Variants in NBPF19 observed in about 807,000 individuals in gnomAD.
NBPF19 encodes NBPF member 19, also known as NBPF family member NBPF19.
A neutral mutation model predicts 45.9 loss-of-function variants in NBPF19; 30 were observed. That is an observed-to-expected ratio of 0.65 (90% CI 0.49 to 0.89). The LOEUF (loss-of-function observed/expected upper bound fraction) is 0.89, where lower values mean the gene tolerates loss of function less well. NBPF19 is among the 40% of genes least tolerant of loss of function. The pLI, the probability that NBPF19 is intolerant of heterozygous loss-of-function variation, is 0.00. For missense variants in NBPF19, 495 were observed against 471.8 expected, an observed-to-expected ratio of 1.05 and a Z score of -0.46; for synonymous variants, 183 against 181.2, an observed-to-expected ratio of 1.01 and a Z score of -0.08.
At chr1:149,477,264 G>T (rs2084896805) in intron 2 of NBPF19, among the ~76,000 whole-genome samples, 1 of 150,944 alleles carries the variant, frequency 6.6e-6, no homozygotes, top group East Asian at 1.9e-4. Flanking sequence ...AATTGGCACA[G>T]TGGAAACACT....
chr1:149,521,173 C>T (rs2086727183), intron 51 of NBPF19, 146 bp from the exon 52 acceptor site: 2 of 344,262 alleles, frequency 5.8e-6, no homozygotes, highest in Non-Finnish European at 1.1e-5. Context: ...TCTATCCCAA[C>T]ATAAAGGCAA....
intron 9 of NBPF19, 106 bp from the exon 10 acceptor site, chr1:149,487,907 C>A (rs2085705550): frequency 6.8e-6 from 5 of 736,836 alleles, no homozygotes; most frequent in Non-Finnish European, 9.9e-6. Flanking sequence ...ATGGATCTCT[C>A]CTTTTTCTTT....
chr1:149,556,126 C>G lies in NBPF19; in HGVS notation c.*1388C>G, dbSNP rs2087243880. 1 of 147,868 alleles carries G rather than the reference C, an allele frequency of 6.8e-6. No homozygotes were observed. 9.2% of individuals were successfully genotyped at this position (147,868 alleles called of 1,614,324 possible). A position where few individuals can be genotyped will look rare whatever the true frequency, so the allele number is the denominator to read the frequency against. On this transcript the variant is annotated 3_prime_UTR_variant, in exon 94 of 94. Transcript: ENST00000651566. ...TATCTCTACGCTGCAAAATTTGGGT[C>G]TCAATTTTTACTGTGCCTTTGTTTT...
chr1:149,554,615 T>C lies in NBPF19; in HGVS notation c.11409T>C (p.Ser3803=). The C allele has an allele frequency of 1.2e-6, 2 of 1,608,294 alleles. No individual in the cohort carries two copies. The highest frequency in any genetic ancestry group is 1.7e-6 in the Non-Finnish European group (2 of 1,176,782). Residue 3803 remains serine (S), a synonymous_variant, in exon 94 of 94, where the codon AGT becomes AGC. Transcript: ENST00000651566. ...ELPDSFQHYR[S]VFYSFEEEHI... Reference sequence around the variant, plus strand: ...CTGACTCATTCCAGCACTACAGAAGTGTGTTTTACTCATTTGAGGAAGAGC... The same window carrying C: ...CTGACTCATTCCAGCACTACAGAAGCGTGTTTTACTCATTTGAGGAAGAGC...
rs1422154777 is a variant in NBPF19 at position 149,490,751 on chromosome 1, G to A, written c.1490+257G>A. Among the ~76,000 whole-genome samples, 8 of 55,500 alleles carry A rather than the reference G, an allele frequency of 1.4e-4. 1 individual carries two copies. Among genetic ancestry groups the A allele is most frequent in the Non-Finnish European group, 2.6e-4 (8 of 30,728 alleles). 36.4% of individuals were successfully genotyped at this position (55,500 alleles called of 152,430 possible). ...TCATGGCGACTGCATGGAAACTTGAGCACATTTTATGGAAAATTATTGAGC... is the reference window on the plus strand; with the variant it reads ...TCATGGCGACTGCATGGAAACTTGAACACATTTTATGGAAAATTATTGAGC... On this transcript the variant is annotated intron_variant, in intron 13 of 93. Transcript: ENST00000651566.
chr1:149,487,225 T>C (rs1390777188), intron 8 of NBPF19, 107 bp from the exon 9 acceptor site: 4 of 833,226 alleles, frequency 4.8e-6, no homozygotes, highest in Admixed American at 3.4e-5. Context: ...AGTCTCCTGT[T>C]CTCACACTGA....
intron 93 of NBPF19, among the ~76,000 whole-genome samples, chr1:149,554,253 C>T (rs2087148367): frequency 6.6e-6 from 1 of 151,660 alleles, no homozygotes; most frequent in African/African-American, 2.4e-5. Context: ...CTGGCCAATT[C>T]ACTAGGTCAC....
chr1:149,476,998 G>A (rs1223799132), intron 2 of NBPF19, among the ~76,000 whole-genome samples: 1 of 150,832 alleles, frequency 6.6e-6, no homozygotes, highest in Non-Finnish European at 1.5e-5. Context: ...GTACCTTGGT[G>A]AGAGTGAAGT....
rs1452780829 is a variant in NBPF19, at chr1:149,554,697, C to T, written c.11491C>T (p.Leu3831Phe). The change falls in exon 94 of 94, where the codon CTC becomes TTC. Residue 3831 changes from leucine to phenylalanine, a missense_variant. Leu to Phe is a conservative substitution (Grantham distance 22). Coordinates refer to ENST00000651566, the MANE Select transcript of NBPF19 (RefSeq NM_001351365.2). ...GTTTTTTACTTTGACGGTGACAAGT[C>T]TCCATCTGGTGTTCCAGATGTTAGT... is the stretch of plus-strand genomic sequence containing the variant. The part of the protein sequence containing the change: ...NRFFTLTVTS[L>F]HLVFQMLVIF... 18 of 1,608,170 alleles carry T rather than the reference C, an allele frequency of 1.1e-5. 1 individual carries two copies. Among genetic ancestry groups the T allele is most frequent in the Non-Finnish European group, 1.4e-5 (17 of 1,176,710 alleles).
rs1320339519 is a variant in NBPF19 at position 149,487,409 on chromosome 1, T to C, written c.1040+26T>C. 5.6e-6 allele frequency: 7 copies of C among 1,259,852 alleles called. No individual in the cohort carries two copies. In the East Asian group the frequency reaches 1.4e-4, roughly 25 times the overall value. The allele number at this position is 1,259,852 out of a possible 1,614,324, so 78.0% of individuals were successfully genotyped here. A position where few individuals can be genotyped will look rare whatever the true frequency, so the allele number is the denominator to read the frequency against. On this transcript the variant is annotated intron_variant, in intron 9 of 93. Transcript: ENST00000651566. ...GTGAGTCTGAGAAATTGTGGACAGTTAATTTGATGTTGACACCTGGAGATG... is the reference window on the plus strand; with the variant it reads ...GTGAGTCTGAGAAATTGTGGACAGTCAATTTGATGTTGACACCTGGAGATG...
chr1:149,478,141 C>A, intron 3 of NBPF19, 94 bp downstream of exon 3: 1 of 798,636 alleles, frequency 1.3e-6, no homozygotes, highest in Admixed American at 1.8e-5. Flanking sequence ...CGAAGCTGGG[C>A]CAGGGGAAGG....
intron 8 of NBPF19, 145 bp from the exon 9 acceptor site, chr1:149,487,187 C>A (rs1294041054): frequency 1.3e-6 from 1 of 778,824 alleles, no homozygotes; most frequent in Middle Eastern, 3.6e-4. Flanking sequence ...AAGACTTGAC[C>A]TCAGGCCTAC....
At chr1:149,486,454 A>C (rs1425458660) in intron 8 of NBPF19, among the ~76,000 whole-genome samples, 161 bp downstream of exon 8, 1 of 149,486 alleles carries the variant, frequency 6.7e-6, no homozygotes, top group Non-Finnish European at 1.5e-5. Context: ...TCAAGTCTGA[A>C]GCACAGGCAT....
At chr1:149,484,724 A>G (rs1439461148) in intron 7 of NBPF19, among the ~76,000 whole-genome samples, 11 of 138,784 alleles carry the variant, frequency 7.9e-5, no homozygotes, top group South Asian at 5.1e-4. Flanking sequence ...GAATCTGACA[A>G]TTACGTGTTT....
intron 3 of NBPF19, 94 bp from the exon 4 acceptor site, chr1:149,478,786 C>A: frequency 2.3e-6 from 3 of 1,310,856 alleles, no homozygotes; most frequent in Non-Finnish European, 3.3e-6. Flanking sequence ...TGGAGGTCTC[C>A]TTGAGGACAT....
At chr1:149,480,475 C>A (rs1329267092) in intron 5 of NBPF19, among the ~76,000 whole-genome samples, 1 of 141,414 alleles carries the variant, frequency 7.1e-6, no homozygotes, top group Non-Finnish European at 1.6e-5. Context: ...TGAACAGCAG[C>A]TGCTCTCTTC....
chr1:149,529,060 G>A (rs1365444280), intron 61 of NBPF19, 114 bp from the exon 62 acceptor site: 1 of 295,682 alleles, frequency 3.4e-6, no homozygotes, highest in African/African-American at 3.6e-5. Flanking sequence ...CTCATTAATG[G>A]ATCTATCCTT....
chr1:149,521,105 T>C (rs2086714445), intron 51 of NBPF19, among the ~76,000 whole-genome samples: 1 of 77,956 alleles, frequency 1.3e-5, no homozygotes. Flanking sequence ...TCTGTCTCTG[T>C]CTCTCTCTCT....
rs1229969310 is a variant in NBPF19, at chr1:149,554,647, G to A, written c.11441G>A (p.Ser3814Asn). The A allele has an allele frequency of 4.4e-6, 7 of 1,608,336 alleles. No individual in the cohort carries two copies. In the African/African-American group the frequency reaches 5.3e-5, roughly 12 times the overall value. ...VFYSFEEEHI[S>N]FALYLDNRFF... Reference sequence around the variant, plus strand: ...TACTCATTTGAGGAAGAGCATATCAGCTTCGCCCTTTACTTGGACAATAGG... The same window carrying A: ...TACTCATTTGAGGAAGAGCATATCAACTTCGCCCTTTACTTGGACAATAGG... The change falls in exon 94 of 94, where the codon AGC (serine) becomes AAC (asparagine). Residue 3814 changes from serine to asparagine, a missense_variant. Ser to Asn is a conservative substitution (Grantham distance 46). Transcript: ENST00000651566.
Sources: allele counts gnomAD v4.1 joint callset (sites outside exome capture counted in the v4.1 genomes callset), GRCh38; gene constraint gnomAD v4.1.1; transcripts MANE v1.5; gene names NCBI Gene and HGNC (gene_info 2026-07-23, HGNC 2026-07-21).